Variants in COA1 observed in about 807,000 individuals in gnomAD.
COA1 encodes the protein cytochrome c oxidase assembly factor 1.
A neutral mutation model predicts 16.0 loss-of-function variants in COA1; 13 were observed. The ratio of observed to expected loss-of-function variants is 0.81; its 90% confidence interval spans 0.53 to 1.29. The LOEUF (loss-of-function observed/expected upper bound fraction) is 1.29, where lower values mean the gene tolerates loss of function less well. COA1 is among the 50% of genes most tolerant of loss of function. COA1 has a pLI of 0.00. For missense variants in COA1, 179 were observed against 177.0 expected (o/e 1.01, Z -0.06); for synonymous variants, 65 against 65.7 (o/e 0.99, Z 0.05).
At chr7:43,628,323 T>A (rs923906051) in intron 6 of COA1, among the ~76,000 whole-genome samples, 9 of 152,206 alleles carry the variant, frequency 5.9e-5, no homozygotes, top group Non-Finnish European at 1.3e-4. Context: ...TGTGTCGTGC[T>A]ATTTGAATGC....
intron 6 of COA1, among the ~76,000 whole-genome samples, chr7:43,616,172 A>T (rs952166122): frequency 1.3e-5 from 2 of 152,176 alleles, no homozygotes; most frequent in Non-Finnish European, 2.9e-5. Context: ...TCTCCTCTGT[A>T]ATTTTCCAGG....
chr7:43,664,544 A>G (rs1035022188), intron 1 of COA1, among the ~76,000 whole-genome samples: 6 of 152,228 alleles, frequency 3.9e-5, no homozygotes, highest in Non-Finnish European at 5.9e-5. Flanking sequence ...ACCTTGTAGT[A>G]ATCCCTGTTC....
chr7:43,619,602 G>A (rs754017998), intron 6 of COA1: 3 of 1,613,192 alleles, frequency 1.9e-6, no homozygotes, highest in Non-Finnish European at 2.5e-6. Context: ...TTTAGCCTCA[G>A]AATATTCTGT....
At chr7:43,673,707 T>C (rs918393805) in intron 1 of COA1, among the ~76,000 whole-genome samples, 3 of 152,188 alleles carry the variant, frequency 2.0e-5, no homozygotes, top group Admixed American at 2.0e-4. Flanking sequence ...TGTTCATCAC[T>C]GCACTATTCA....
downstream of COA1, among the ~76,000 whole-genome samples, chr7:43,637,144 T>C (rs1044922847): frequency 2.6e-5 from 4 of 152,232 alleles, no homozygotes; most frequent in African/African-American, 9.6e-5. Context: ...GGGACACTAC[T>C]GCCTCTGGAC....
intron 1 of COA1, among the ~76,000 whole-genome samples, chr7:43,717,926 A>G (rs745763066): frequency 6.6e-6 from 1 of 152,158 alleles, no homozygotes; most frequent in Non-Finnish European, 1.5e-5. Context: ...GCTGCCATCT[A>G]TGTAAGACAG....
chr7:43,677,882 A>G (rs1014941953), intron 1 of COA1, among the ~76,000 whole-genome samples: 1 of 151,856 alleles, frequency 6.6e-6, no homozygotes, highest in African/African-American at 2.4e-5. Context: ...ATAATCTAAG[A>G]TGAAATTCAG....
At position 43,639,469 on chromosome 7, in the gene COA1, G is replaced by GA. The variant is rs2086520398; in HGVS notation, c.*112dup. The stretch of plus-strand genomic sequence containing the variant: ...CATACCATCATCCCACTGGTGGCTG[G>GA]AAAACTGGGTTGCAGGAGTGTCTGT... On this transcript the variant is annotated 3_prime_UTR_variant, in exon 6 of 6. Coordinates refer to ENST00000223336, the MANE Select transcript of COA1 (RefSeq NM_018224.4). 7 of 789,892 alleles carry GA rather than the reference G, an allele frequency of 8.9e-6. No individual in the cohort carries two copies. The highest frequency in any genetic ancestry group is 3.4e-5 in the African/African-American group (2 of 58,196). 48.9% of individuals were successfully genotyped at this position (789,892 alleles called of 1,614,324 possible). A position where few individuals can be genotyped will look rare whatever the true frequency, so the allele number is the denominator to read the frequency against.
chr7:43,608,934 A>G (rs1046004650), exon 7 of COA1: 4 of 152,454 alleles, frequency 2.6e-5, no homozygotes, highest in African/African-American at 9.7e-5. Context: ...AATTAAAGAG[A>G]TTAGAGGCAG....
At chr7:43,728,717 A>G (rs1702078691) in intron 1 of COA1, among the ~76,000 whole-genome samples, 1 of 152,236 alleles carries the variant, frequency 6.6e-6, no homozygotes, top group South Asian at 2.1e-4. Flanking sequence ...GTGCAGGTGT[A>G]AGCGGAGAGT....
intron 1 of COA1, among the ~76,000 whole-genome samples, chr7:43,719,505 AAGTG>A (rs1284478727): frequency 1.3e-5 from 2 of 152,246 alleles, no homozygotes; most frequent in Non-Finnish European, 2.9e-5. Context: ...AAGTCAAACT[AAGTG>A]AGAGCTACCA....
At chr7:43,670,231 T>A (rs1489660018) in intron 1 of COA1, among the ~76,000 whole-genome samples, 1 of 152,066 alleles carries the variant, frequency 6.6e-6, no homozygotes, top group African/African-American at 2.4e-5. Context: ...GAAGGATCAC[T>A]TGAGATCAGG....
intron 1 of COA1, among the ~76,000 whole-genome samples, chr7:43,663,015 A>G (rs776864758): frequency 1.3e-5 from 2 of 152,114 alleles, no homozygotes; most frequent in African/African-American, 2.4e-5. Context: ...GTAATCCCCA[A>G]TGTTGGAGGT....
At chr7:43,632,023 T>C (rs1563190250) in intron 6 of COA1, 1 of 152,254 alleles carries the variant, frequency 6.6e-6, no homozygotes, top group Non-Finnish European at 1.5e-5. Flanking sequence ...GTTTGCTGCA[T>C]TTATTAACTC....
At chr7:43,674,965 T>C (rs948253624) in intron 1 of COA1, among the ~76,000 whole-genome samples, 1 of 152,228 alleles carries the variant, frequency 6.6e-6, no homozygotes, top group African/African-American at 2.4e-5. Context: ...TTTCAACAGA[T>C]ATTACACTTT....
At chr7:43,655,597 G>A (rs1479254686) in intron 1 of COA1, among the ~76,000 whole-genome samples, 3 of 152,160 alleles carry the variant, frequency 2.0e-5, no homozygotes, top group Non-Finnish European at 4.4e-5. Context: ...TGGAGTCAGA[G>A]TTTGCAGTGA....
At chr7:43,667,897 G>A (rs149122200) in intron 1 of COA1, among the ~76,000 whole-genome samples, 236 of 152,314 alleles carry the variant, frequency 1.5e-3, no homozygotes, top group African/African-American at 5.5e-3. Context: ...GTATGCTCCT[G>A]TGAACAAAAT....
chr7:43,691,072 A>AAAAAAAAAAAAC (rs1563379693), intron 1 of COA1, among the ~76,000 whole-genome samples: 16 of 105,420 alleles, frequency 1.5e-4, no homozygotes, highest in African/African-American at 6.7e-4. Context: ...AAAAAAAAAA[A>AAAAAAAAAAAAC]AAAAACAAAA....
At chr7:43,669,542 G>A (rs2093123174) in intron 1 of COA1, among the ~76,000 whole-genome samples, 2 of 152,050 alleles carry the variant, frequency 1.3e-5, no homozygotes, top group African/African-American at 4.8e-5. Context: ...TTTTTTCCGC[G>A]GGCTACGTGA....
Sources: gnomAD v4.1 joint callset for allele counts (sites outside exome capture counted in the v4.1 genomes callset) on GRCh38, gnomAD v4.1.1 for gene constraint, MANE v1.5 for transcripts, NCBI Gene and HGNC (gene_info 2026-07-23, HGNC 2026-07-21) for gene names.